The following PCDHGA8 variants were observed in gnomAD, a reference collection of about 807,000 sequenced individuals.
PCDHGA8 encodes the protein protocadherin gamma subfamily A, 8, also known as protocadherin gamma-A8.
A neutral mutation model predicts 59.2 loss-of-function variants in PCDHGA8; 45 were observed. The ratio of observed to expected loss-of-function variants is 0.76; its 90% CI spans 0.60 to 0.98. The LOEUF is 0.98. PCDHGA8 is among the 50% of genes least tolerant of loss of function. The pLI, the probability that PCDHGA8 is intolerant of heterozygous loss-of-function variation, is 0.00. For missense variants in PCDHGA8, 1,257 were observed against 1,196.2 expected (o/e 1.05, Z -0.75); for synonymous variants, 531 against 519.0 (o/e 1.02, Z -0.32).
At position 141,418,812 on chromosome 5, in the gene PCDHGA8, A is replaced by T. The variant is rs761899929; in HGVS notation, c.2424+23575A>T. 4 of 1,613,914 alleles carry T rather than the reference A, an allele frequency of 2.5e-6. No individual in the cohort carries two copies. In the South Asian group the frequency reaches 4.4e-5, roughly 18 times the overall value. On this transcript the variant is annotated intron_variant, in intron 1 of 3. Transcript: ENST00000398604. ...GAAGAAGTAGAAAGATATACGATAA[A>T]CATAGAAGCAAAAGACCGAGGATCT... is the stretch of plus-strand genomic sequence containing the variant.
intron 1 of PCDHGA8, chr5:141,419,895 C>G (rs1209315374): frequency 6.2e-7 from 1 of 1,613,916 alleles, no homozygotes; most frequent in Non-Finnish European, 8.5e-7. Context: ...AGCGACCATC[C>G]CACACCCTCT....
intron 1 of PCDHGA8, chr5:141,427,780 TGTCGTCCTAC>T (rs892399327): frequency 8.9e-6 from 13 of 1,455,886 alleles, no homozygotes; most frequent in Middle Eastern, 1.7e-4. Context: ...CTGCGGGCAC[TGTCGTCCTAC>T]GTGTCCGTGA....
intron 1 of PCDHGA8, among the ~76,000 whole-genome samples, chr5:141,482,793 C>T (rs900216099): frequency 3.9e-5 from 5 of 128,974 alleles, no homozygotes; most frequent in Non-Finnish European, 8.1e-5. Flanking sequence ...TGTGTGTGGC[C>T]GGGTACGGTG....
chr5:141,398,344 C>T (rs901692894), intron 1 of PCDHGA8: 2 of 1,372,186 alleles, frequency 1.5e-6, no homozygotes, highest in Non-Finnish European at 2.0e-6. Context: ...TTCGGAGAAG[C>T]CTTACTTCAC....
chr5:141,398,882 G>A, intron 1 of PCDHGA8: 1 of 1,613,930 alleles, frequency 6.2e-7, no homozygotes, highest in Non-Finnish European at 8.5e-7. Context: ...GTCAGCCTTC[G>A]GGAAAACGTG....
chr5:141,480,273 G>A (rs2099516030), intron 1 of PCDHGA8, among the ~76,000 whole-genome samples: 1 of 151,956 alleles, frequency 6.6e-6, no homozygotes, highest in Non-Finnish European at 1.5e-5. Flanking sequence ...TCATTAGCTG[G>A]GTGTGTTGGC....
Position 141,398,041 on chromosome 5 carries a change from G to T in PCDHGA8, c.2424+2804G>T, listed in dbSNP as rs114009258. On this transcript the variant is annotated intron_variant, in intron 1 of 3. Coordinates refer to ENST00000398604, the MANE Select transcript of PCDHGA8 (RefSeq NM_032088.2). ...TAAACTGGAACTGGAACTAAAGCCC[G>T]TTCGGAGATCCAAAAATCTACAATA... 1,416 of 1,492,890 alleles carry T rather than the reference G, an allele frequency of 9.5e-4. 9 individuals are homozygous for T. The African/African-American group carries it at 0.016, about 16-fold the overall frequency. 92.5% of individuals were successfully genotyped at this position (1,492,890 alleles called of 1,614,324 possible).
rs141556649 is a variant in PCDHGA8 at position 141,492,225 on chromosome 5, C to T, written c.2425-2582C>T. ...GTGTGCGCGCGGGGCTCATGCGTGT[C>T]CTCCCTGCTGGCCACCCCCACGGCC... On this transcript the variant is annotated intron_variant, in intron 1 of 3. Transcript: ENST00000398604. Among the ~76,000 whole-genome samples the T allele has an allele frequency of 2.4e-3, 361 of 152,274 alleles. No individual in the cohort carries two copies. In the Middle Eastern group the frequency reaches 0.024, roughly 10 times the overall value.
chr5:141,392,651 C>G lies in PCDHGA8; in HGVS notation c.-163C>G, dbSNP rs1228467133. On this transcript the variant is annotated 5_prime_UTR_variant, in exon 1 of 4. Transcript: ENST00000398604. ...AGATCTCACACCTCACGAAGACCCGCAGATGCCACAAACTAACTGCTGGAC... is the reference window on the plus strand; with the variant it reads ...AGATCTCACACCTCACGAAGACCCGGAGATGCCACAAACTAACTGCTGGAC... 1 of 708,830 alleles carries G rather than the reference C, an allele frequency of 1.4e-6. No individual in the cohort carries two copies. The highest frequency in any genetic ancestry group is 2.2e-6 in the Non-Finnish European group (1 of 452,292). The allele number at this position is 708,830 out of a possible 1,614,324, so 43.9% of individuals were successfully genotyped here.
chr5:141,511,359 T>C lies in PCDHGA8; in HGVS notation c.*186T>C. The stretch of plus-strand genomic sequence containing the variant: ...CACCTACCCCTTCCCCCCCAGGGGG[T>C]TGAATATGCAAAAGCAGTTCCGCTG... On this transcript the variant is annotated 3_prime_UTR_variant, in exon 4 of 4. Coordinates refer to ENST00000398604, the MANE Select transcript of PCDHGA8 (RefSeq NM_032088.2). The C allele has an allele frequency of 2.2e-6, 3 of 1,339,338 alleles. No homozygotes were observed. In the South Asian group the frequency reaches 4.6e-5, roughly 20 times the overall value. The allele number at this position is 1,339,338 out of a possible 1,614,324, so 83.0% of individuals were successfully genotyped here. A position where few individuals can be genotyped will look rare whatever the true frequency, so the allele number is the denominator to read the frequency against.
intron 1 of PCDHGA8, among the ~76,000 whole-genome samples, chr5:141,482,141 A>C (rs1302783884): frequency 6.6e-6 from 1 of 152,116 alleles, no homozygotes; most frequent in African/African-American, 2.4e-5. Flanking sequence ...GCTGGCATAA[A>C]AAGGTCAAGT....
intron 1 of PCDHGA8, chr5:141,395,911 T>C (rs964928270): frequency 2.6e-5 from 4 of 152,144 alleles, no homozygotes; most frequent in African/African-American, 9.7e-5. Flanking sequence ...CATGGAGACA[T>C]GAAATCTAAA....
In PCDHGA8 at chr5:141,487,087, C is replaced by G. The variant is rs752261507; in HGVS notation, c.2425-7720C>G. 1.2e-6 allele frequency: 2 copies of G among 1,613,890 alleles called. No homozygotes were observed. Among genetic ancestry groups the G allele is most frequent in the Non-Finnish European group, 1.7e-6 (2 of 1,179,804 alleles). ...CGGCTGTTCCTATCCCAGCTGACCT[C>G]CCACCACAGAAGCTGGTCATTGTGG... On this transcript the variant is annotated intron_variant, in intron 1 of 3. Transcript: ENST00000398604. The surrounding 1 kb of genome is among the most constrained non-coding windows in gnomAD (Gnocchi z 5.0).
rs1390441638 is a variant in PCDHGA8, at chr5:141,432,562, C to T, written c.2424+37325C>T. 1.9e-6 allele frequency: 3 copies of T among 1,613,964 alleles called. No individual in the cohort carries two copies. Among genetic ancestry groups the T allele is most frequent in the Non-Finnish European group, 2.5e-6 (3 of 1,180,004 alleles). On this transcript the variant is annotated intron_variant, in intron 1 of 3. Coordinates refer to ENST00000398604, the MANE Select transcript of PCDHGA8 (RefSeq NM_032088.2). This position sits in a 1 kb window ranked among gnomAD's most constrained non-coding sequence, Gnocchi z 6.0. ...CGGTGGACAGAGACTCCGGCCAGAA[C>T]GCCTGGCTGTCCTACCGTCTGCTCA...
In PCDHGA8 at chr5:141,477,053, G is replaced by A; in HGVS notation, c.2425-17754G>A. On this transcript the variant is annotated intron_variant, in intron 1 of 3. Transcript: ENST00000398604. This position sits in a 1 kb window ranked among gnomAD's most constrained non-coding sequence, Gnocchi z 4.9. ...GACAATCAAGGGTCGGCTGGACTTC[G>A]AGGACACCAAACTCCATGAGATTTA... The A allele has an allele frequency of 1.9e-6, 3 of 1,614,230 alleles. No homozygotes were observed. The highest frequency in any genetic ancestry group is 2.5e-6 in the Non-Finnish European group (3 of 1,180,032).
Position 141,489,902 on chromosome 5 carries a change from C to T in PCDHGA8, c.2425-4905C>T. The T allele has an allele frequency of 6.2e-7, 1 of 1,614,218 alleles. No individual in the cohort carries two copies. The highest frequency in any genetic ancestry group is 8.5e-7 in the Non-Finnish European group (1 of 1,180,032). On this transcript the variant is annotated intron_variant, in intron 1 of 3. Transcript: ENST00000398604. This position sits in a 1 kb window ranked among gnomAD's most constrained non-coding sequence, Gnocchi z 4.5. Reference sequence around the variant, plus strand: ...ACTGCTGTGGATGGGGGGACCCCAGCCCGCTCAGGGACCACCCTTATCTCT... The same window carrying T: ...ACTGCTGTGGATGGGGGGACCCCAGTCCGCTCAGGGACCACCCTTATCTCT...
At position 141,438,243 on chromosome 5, in the gene PCDHGA8, A is replaced by C. The variant is rs1445738408; in HGVS notation, c.2424+43006A>C. ...TGGTTCAGGAAAATGTTTTTAAAAA[A>C]CTGTCATTGAAGAGACCATAGAATC... On this transcript the variant is annotated intron_variant, in intron 1 of 3. Coordinates refer to ENST00000398604, the MANE Select transcript of PCDHGA8 (RefSeq NM_032088.2). Among the ~76,000 whole-genome samples, 3 of 152,250 alleles carry C rather than the reference A, an allele frequency of 2.0e-5. No individual in the cohort carries two copies. In the East Asian group the frequency reaches 5.8e-4, roughly 29 times the overall value.
intron 1 of PCDHGA8, chr5:141,423,661 G>A: frequency 1.3e-6 from 2 of 1,555,760 alleles, no homozygotes; most frequent in Non-Finnish European, 1.7e-6. Flanking sequence ...AAGTAATCAG[G>A]TGAGATTTAT....
chr5:141,436,298 T>C (rs1480546595), intron 1 of PCDHGA8, among the ~76,000 whole-genome samples: 3 of 152,186 alleles, frequency 2.0e-5, no homozygotes, highest in Non-Finnish European at 4.4e-5. Flanking sequence ...CATTGAGAGT[T>C]AGAGCATGAA....
Sources: allele counts gnomAD v4.1 joint callset (sites outside exome capture counted in the v4.1 genomes callset), GRCh38; gene constraint gnomAD v4.1.1; non-coding constraint Gnocchi (gnomAD v3.1); transcripts MANE v1.5; gene names NCBI Gene and HGNC (gene_info 2026-07-23, HGNC 2026-07-21).